Variants in UNC5C observed in about 807,000 individuals in gnomAD.
The protein encoded by UNC5C is netrin receptor UNC5C.
A neutral mutation model predicts 99.8 loss-of-function variants in UNC5C; 47 were observed. That is an observed-to-expected ratio of 0.47 (90% CI 0.37 to 0.60). The LOEUF is 0.60. Ranked by LOEUF, UNC5C falls within the 20% of genes least tolerant of loss-of-function variation. The pLI is 0.00. For synonymous variants in UNC5C, 487 were observed against 452.2 expected, an observed-to-expected ratio of 1.08 and a Z score of -0.98; for missense variants, 1,062 against 1,165.9, an observed-to-expected ratio of 0.91 and a Z score of 1.30.
At chr4:95,283,421 C>T (rs1174661572) in intron 3 of UNC5C, among the ~76,000 whole-genome samples, 2 of 152,180 alleles carry the variant, frequency 1.3e-5, no homozygotes, top group Non-Finnish European at 2.9e-5. Context: ...TAATTCCTGC[C>T]GTAAAACCTC....
chr4:95,493,736 A>G (rs1721563525), intron 1 of UNC5C, among the ~76,000 whole-genome samples: 1 of 151,432 alleles, frequency 6.6e-6, no homozygotes, highest in African/African-American at 2.4e-5. Flanking sequence ...TTTAAGAAAT[A>G]CTGACAAAAG....
chr4:95,415,560 C>T (rs1162824666), intron 1 of UNC5C, among the ~76,000 whole-genome samples: 1 of 152,078 alleles, frequency 6.6e-6, no homozygotes, highest in East Asian at 1.9e-4. Flanking sequence ...TTATGTGCCA[C>T]TTTTCTTGTC....
At chr4:95,443,920 CATGA>C (rs1030287344) in intron 1 of UNC5C, among the ~76,000 whole-genome samples, 16 of 152,212 alleles carry the variant, frequency 1.1e-4, no homozygotes, top group African/African-American at 3.6e-4. Context: ...TTAATTAAAC[CATGA>C]ATGTTTTATT....
chr4:95,266,290 A>G (rs1472804728), intron 4 of UNC5C, among the ~76,000 whole-genome samples: 2 of 152,216 alleles, frequency 1.3e-5, no homozygotes, highest in African/African-American at 4.8e-5. Context: ...ATGGGGACCA[A>G]TTCCAGCTCT....
chr4:95,468,877 C>T (rs574562857), intron 1 of UNC5C, among the ~76,000 whole-genome samples: 3 of 152,262 alleles, frequency 2.0e-5, no homozygotes, highest in East Asian at 3.9e-4. Context: ...AAGGCAGTCC[C>T]TTTTTGGCAA....
At chr4:95,457,879 G>A (rs757038256) in intron 1 of UNC5C, among the ~76,000 whole-genome samples, 9 of 152,032 alleles carry the variant, frequency 5.9e-5, no homozygotes, top group Non-Finnish European at 1.2e-4. Flanking sequence ...CGTCGGATGA[G>A]ATGGCAGCCC....
At chr4:95,256,762 C>T (rs772805859) in intron 4 of UNC5C, among the ~76,000 whole-genome samples, 10 of 136,102 alleles carry the variant, frequency 7.3e-5, no homozygotes, top group Admixed American at 1.5e-4. Flanking sequence ...CAAAGTCCCA[C>T]GATAGGCCTT....
intron 12 of UNC5C, among the ~76,000 whole-genome samples, chr4:95,191,223 C>A (rs1042528629): frequency 6.6e-6 from 1 of 152,184 alleles, no homozygotes; most frequent in Admixed American, 6.5e-5. Flanking sequence ...GGTTAGATTT[C>A]ATCTGCCTCA....
intron 2 of UNC5C, among the ~76,000 whole-genome samples, chr4:95,331,992 A>G (rs28380690): frequency 0.4 from 60,070 of 151,774 alleles, 13,599 homozygotes; most frequent in East Asian, 0.83. Context: ...AGAATAAAAT[A>G]CCTAGGAATC....
chr4:95,234,381 C>CTT (rs35325293), intron 7 of UNC5C, among the ~76,000 whole-genome samples: 9 of 150,544 alleles, frequency 6.0e-5, no homozygotes, highest in African/African-American at 1.9e-4. Context: ...AATCGCTTAC[C>CTT]TTTTTTTTAT....
chr4:95,475,016 C>G (rs552346867), intron 1 of UNC5C, among the ~76,000 whole-genome samples: 1 of 152,064 alleles, frequency 6.6e-6, no homozygotes, highest in East Asian at 1.9e-4. Flanking sequence ...ATCTTCTCCC[C>G]TTGCTTGCAC....
In UNC5C at chr4:95,193,556, C is replaced by T. The variant is rs1334042579; in HGVS notation, c.2137-8360G>A. Among the ~76,000 whole-genome samples the T allele has an allele frequency of 2.6e-5, 4 of 152,182 alleles. 1 individual carries two copies. The stretch of plus-strand genomic sequence containing the variant: ...GGTGTTTAAAAAAAATCACATCTGC[C>T]ATCAGATTTCATGGAACCTGCCTTT... On this transcript the variant is annotated intron_variant, in intron 12 of 15. Transcript: ENST00000453304.
intron 2 of UNC5C, among the ~76,000 whole-genome samples, chr4:95,313,764 G>A (rs1425213327): frequency 6.6e-6 from 1 of 152,140 alleles, no homozygotes; most frequent in African/African-American, 2.4e-5. Context: ...ATACTATAAA[G>A]ATTCATATGT....
At chr4:95,394,412 G>A (rs6855260) in intron 1 of UNC5C, among the ~76,000 whole-genome samples, 13,935 of 152,160 alleles carry the variant, frequency 0.092, 1,045 homozygotes, top group African/African-American at 0.2. Context: ...AACAGGGATC[G>A]ACTTTTACCC....
rs545430323 is a variant in UNC5C, at chr4:95,243,273, G to C, written c.944-680C>G. ...TTTAGGTAAGTCCCTAATATTTCTT[G>C]TGATTCAGTCATTTAGAACTGACTT... On this transcript the variant is annotated intron_variant, in intron 6 of 15. Coordinates refer to ENST00000453304, the MANE Select transcript of UNC5C (RefSeq NM_003728.4). Among the ~76,000 whole-genome samples the C allele has an allele frequency of 3.9e-5, 6 of 151,920 alleles. No individual in the cohort carries two copies. In the South Asian group the frequency reaches 1.2e-3, roughly 32 times the overall value.
At chr4:95,188,457 C>T (rs904174360) in intron 12 of UNC5C, among the ~76,000 whole-genome samples, 8 of 152,202 alleles carry the variant, frequency 5.3e-5, no homozygotes, top group East Asian at 1.9e-4. Context: ...TCGTCACATA[C>T]GGCGAATCTC....
At chr4:95,465,806 G>A (rs951521757) in intron 1 of UNC5C, among the ~76,000 whole-genome samples, 4 of 152,254 alleles carry the variant, frequency 2.6e-5, no homozygotes, top group Admixed American at 1.3e-4. Context: ...TTCAGGACTG[G>A]TATTACAAAC....
intron 1 of UNC5C, among the ~76,000 whole-genome samples, chr4:95,504,156 T>A (rs142331923): frequency 3.3e-4 from 51 of 152,286 alleles, no homozygotes; most frequent in African/African-American, 1.2e-3. Context: ...TATGAAATAA[T>A]GAACATTCAG....
chr4:95,354,481 T>TATATATATATATATATATATATATATA (rs1274789806), intron 1 of UNC5C, among the ~76,000 whole-genome samples: 1 of 99,696 alleles, frequency 1.0e-5, no homozygotes, highest in African/African-American at 4.4e-5. Context: ...ATATATATAT[T>TATATATATATATATATATATATATATA]TTTTTTTTTT....
Sources: gnomAD v4.1 joint callset for allele counts (sites outside exome capture counted in the v4.1 genomes callset) on GRCh38, gnomAD v4.1.1 for gene constraint, MANE v1.5 for transcripts, NCBI Gene and HGNC (gene_info 2026-07-23, HGNC 2026-07-21) for gene names.